Variants in SYNE1 observed in about 807,000 individuals in gnomAD.
SYNE1 encodes spectrin repeat containing nuclear envelope protein 1.
A neutral mutation model predicts 1,111.0 loss-of-function variants in SYNE1; 616 were observed. The ratio of observed to expected loss-of-function variants is 0.55; its 90% CI spans 0.52 to 0.59. SYNE1 has a LOEUF of 0.59. SYNE1 is among the 20% of genes least tolerant of loss of function. SYNE1 has a pLI of 0.00. For synonymous variants in SYNE1, 3,855 were observed against 3,825.8 expected (o/e 1.01, Z -0.28); for missense variants, 10,006 against 10,417.0 (o/e 0.96, Z 1.72).
At chr6:152,482,430 C>T (rs2098911222) in intron 14 of SYNE1, among the ~76,000 whole-genome samples, 1 of 151,966 alleles carries the variant, frequency 6.6e-6, no homozygotes, top group Admixed American at 6.6e-5. Flanking sequence ...GCAGGAATAC[C>T]CCACCACATT....
At chr6:152,256,793 A>G (rs779043008) in intron 101 of SYNE1, 28 bp from the exon 102 acceptor site, 1 of 1,611,940 alleles carries the variant, frequency 6.2e-7, no homozygotes, top group East Asian at 2.2e-5. Context: ...CAGCTTGTTG[A>G]AGAGCATATG....
intron 106 of SYNE1, among the ~76,000 whole-genome samples, chr6:152,244,080 T>A (rs1481560834): frequency 6.6e-6 from 1 of 152,216 alleles, no homozygotes; most frequent in Non-Finnish European, 1.5e-5. Flanking sequence ...TTCAAACATA[T>A]ATGGAGGATA....
chr6:152,272,234 C>T (rs1295120323), intron 98 of SYNE1, among the ~76,000 whole-genome samples: 2 of 152,178 alleles, frequency 1.3e-5, no homozygotes, highest in Non-Finnish European at 2.9e-5. Context: ...TCTCTTTCCC[C>T]TGGGGATAAG....
At chr6:152,496,092 T>C (rs2098997913) in intron 11 of SYNE1, among the ~76,000 whole-genome samples, 1 of 152,292 alleles carries the variant, frequency 6.6e-6, no homozygotes, top group South Asian at 2.1e-4. Flanking sequence ...TACCTGCTAA[T>C]AGGACAGGCA....
intron 3 of SYNE1, among the ~76,000 whole-genome samples, chr6:152,605,022 G>A (rs1485531229): frequency 5.6e-5 from 4 of 71,032 alleles, no homozygotes; most frequent in African/African-American, 2.6e-4. Flanking sequence ...GAGAGAGAGA[G>A]AGAGAGAGAG....
At chr6:152,509,655 G>T (rs1326881169) in intron 8 of SYNE1, among the ~76,000 whole-genome samples, 1 of 151,182 alleles carries the variant, frequency 6.6e-6, no homozygotes, top group African/African-American at 2.4e-5. Context: ...CAAATTCTCA[G>T]CTCACAAAGC....
chr6:152,283,316 G>C (rs1589301222), intron 96 of SYNE1, among the ~76,000 whole-genome samples: 1 of 152,180 alleles, frequency 6.6e-6, no homozygotes, highest in Non-Finnish European at 1.5e-5. Context: ...TCTTTATAGT[G>C]TTAGTAATAT....
chr6:152,156,668 T>C (rs1386316272), intron 131 of SYNE1, among the ~76,000 whole-genome samples: 3 of 152,180 alleles, frequency 2.0e-5, no homozygotes, highest in Admixed American at 2.0e-4. Flanking sequence ...ATGACAAGAA[T>C]AAAAAGTCTG....
intron 74 of SYNE1, among the ~76,000 whole-genome samples, chr6:152,340,026 T>C (rs2096496964): frequency 1.3e-5 from 2 of 152,186 alleles, no homozygotes; most frequent in South Asian, 4.1e-4. Flanking sequence ...AGGAAGGAGA[T>C]AAATAATATA....
At chr6:152,355,214 C>G (rs1335940833) in intron 66 of SYNE1, among the ~76,000 whole-genome samples, 3 of 152,140 alleles carry the variant, frequency 2.0e-5, no homozygotes, top group African/African-American at 7.2e-5. Context: ...CAATATTTTT[C>G]TCAATCAACA....
intron 11 of SYNE1, among the ~76,000 whole-genome samples, chr6:152,491,736 A>T (rs1279316352): frequency 6.6e-6 from 1 of 151,732 alleles, no homozygotes; most frequent in Non-Finnish European, 1.5e-5. Context: ...TCCCAGTGCG[A>T]CTCATCACAA....
At chr6:152,526,914 T>C (rs2099166278) in intron 4 of SYNE1, among the ~76,000 whole-genome samples, 2 of 152,168 alleles carry the variant, frequency 1.3e-5, no homozygotes, top group Non-Finnish European at 2.9e-5. Flanking sequence ...TGAAGGTTAT[T>C]AAAATACTCA....
chr6:152,207,825 C>A (rs1008169745), intron 125 of SYNE1, 147 bp downstream of exon 125: 13 of 822,976 alleles, frequency 1.6e-5, no homozygotes, highest in African/African-American at 3.4e-5. Context: ...GTATTGCAAT[C>A]ATTTTGTATA....
At chr6:152,239,780 C>T (rs1030881473) in intron 107 of SYNE1, 74 bp from the exon 108 acceptor site, 18 of 1,554,702 alleles carry the variant, frequency 1.2e-5, no homozygotes, top group Middle Eastern at 4.0e-4. Context: ...GGTTTAGGGC[C>T]GGGTGCGGTG....
At chr6:152,372,234 T>C (rs1340896862) in intron 59 of SYNE1, among the ~76,000 whole-genome samples, 1 of 152,192 alleles carries the variant, frequency 6.6e-6, no homozygotes, top group Non-Finnish European at 1.5e-5. Flanking sequence ...CTCTGTTAAA[T>C]GGAGGATGCT....
At chr6:152,183,878 T>G (rs548817312) in intron 128 of SYNE1, among the ~76,000 whole-genome samples, 1 of 152,306 alleles carries the variant, frequency 6.6e-6, no homozygotes, top group South Asian at 2.1e-4. Flanking sequence ...TTTGAGTCTT[T>G]GACATGGGGT....
chr6:152,131,139 C>A (rs1439725907), intron 144 of SYNE1, among the ~76,000 whole-genome samples: 8 of 151,586 alleles, frequency 5.3e-5, no homozygotes, highest in Non-Finnish European at 1.2e-4. Context: ...TTTTTTTCAT[C>A]TTTTAGAATA....
At chr6:152,317,374 A>T (rs1364807417) in intron 86 of SYNE1, among the ~76,000 whole-genome samples, 1 of 151,776 alleles carries the variant, frequency 6.6e-6, no homozygotes, top group East Asian at 1.9e-4. Flanking sequence ...GCACGTGCCA[A>T]CCATGCCCTG....
chr6:152,293,552 A>G (rs1209475846), intron 95 of SYNE1, 36 bp downstream of exon 95: 4 of 1,612,738 alleles, frequency 2.5e-6, no homozygotes, highest in African/African-American at 1.3e-5. Context: ...TGCCTTATTC[A>G]ATCAAGTAGG....
Sources: allele counts gnomAD v4.1 joint callset (sites outside exome capture counted in the v4.1 genomes callset), GRCh38; gene constraint gnomAD v4.1.1; transcripts MANE v1.5; gene names NCBI Gene and HGNC (gene_info 2026-07-23, HGNC 2026-07-21).